The following CNTNAP2 variants were observed in gnomAD, a reference collection of about 807,000 sequenced individuals.
CNTNAP2 encodes the protein contactin-associated protein-like 2.
A neutral mutation model predicts 155.2 loss-of-function variants in CNTNAP2; 98 were observed. The observed-to-expected ratio is 0.63, with a 90% confidence interval of 0.54 to 0.75. CNTNAP2 has a LOEUF of 0.75. Ranked by LOEUF, CNTNAP2 falls within the 30% of genes least tolerant of loss-of-function variation. The pLI, the probability that CNTNAP2 is intolerant of heterozygous loss-of-function variation, is 0.00. For missense variants in CNTNAP2, 1,727 were observed against 1,688.1 expected (o/e 1.02, Z -0.40); for synonymous variants, 651 against 631.2 (o/e 1.03, Z -0.47).
intron 8 of CNTNAP2, among the ~76,000 whole-genome samples, chr7:147,193,966 CT>C (rs578065267): frequency 3.0e-3 from 447 of 148,996 alleles, no homozygotes; most frequent in Non-Finnish European, 5.0e-3. Context: ...TTTTTTTCTT[CT>C]AAAAAAAAGT....
intron 14 of CNTNAP2, among the ~76,000 whole-genome samples, chr7:147,924,300 G>A (rs111416724): frequency 0.14 from 21,869 of 151,686 alleles, 1,764 homozygotes; most frequent in African/African-American, 0.21. Context: ...CACAATGCCC[G>A]GCTAATTTTT....
At chr7:147,383,875 C>CA (rs1242667491) in intron 9 of CNTNAP2, among the ~76,000 whole-genome samples, 3 of 151,994 alleles carry the variant, frequency 2.0e-5, no homozygotes, top group Non-Finnish European at 4.4e-5. Context: ...CACACAAACA[C>CA]AGCCCCCCCA....
intron 21 of CNTNAP2, among the ~76,000 whole-genome samples, chr7:148,287,788 T>TTTCTTTC: frequency 5.9e-5 from 1 of 16,874 alleles, no homozygotes; most frequent in East Asian, 4.2e-3. Flanking sequence ...TCTTTCTTTC[T>TTTCTTTC]TTTTTTCTTT....
chr7:146,315,017 T>C (rs907814022), intron 1 of CNTNAP2, among the ~76,000 whole-genome samples: 4 of 152,186 alleles, frequency 2.6e-5, no homozygotes, highest in African/African-American at 9.6e-5. Flanking sequence ...GGGCTGGGAT[T>C]AGCACTGGAG....
intron 13 of CNTNAP2, among the ~76,000 whole-genome samples, chr7:147,740,715 T>C (rs1031976545): frequency 1.3e-5 from 2 of 152,208 alleles, no homozygotes; most frequent in African/African-American, 4.8e-5. Context: ...TCAACCATAT[T>C]ATTAAATAAG....
intron 13 of CNTNAP2, among the ~76,000 whole-genome samples, chr7:147,791,528 C>G (rs1253380086): frequency 6.8e-6 from 1 of 148,032 alleles, no homozygotes; most frequent in Non-Finnish European, 1.5e-5. Flanking sequence ...TTACTCATCA[C>G]TGAATAAGGG....
chr7:147,339,896 A>G (rs1795731421), intron 9 of CNTNAP2, among the ~76,000 whole-genome samples: 1 of 152,162 alleles, frequency 6.6e-6, no homozygotes. Context: ...CTAAATTTGA[A>G]CTGAGTCAGC....
At chr7:146,933,795 C>A (rs1796842557) in intron 3 of CNTNAP2, among the ~76,000 whole-genome samples, 1 of 152,118 alleles carries the variant, frequency 6.6e-6, no homozygotes, top group Admixed American at 6.6e-5. Context: ...TGAACAGACA[C>A]TTCTCAAAAG....
At position 146,876,971 on chromosome 7, in the gene CNTNAP2, T is replaced by A. The variant is rs28510086; in HGVS notation, c.402+37067T>A. On this transcript the variant is annotated intron_variant, in intron 3 of 23. Transcript: ENST00000361727. ...TTCACTATTTAGGTTATTGGTATAT[T>A]TGTAACTTTTTACTTTTAACTACTG... 8.2e-3 allele frequency among the ~76,000 whole-genome samples: 1,246 copies of A among 152,264 alleles called. 12 individuals are homozygous for A. The highest frequency in any genetic ancestry group is 0.028 in the African/African-American group (1,152 of 41,550).
chr7:146,551,281 C>T (rs1316767780), intron 1 of CNTNAP2, among the ~76,000 whole-genome samples: 1 of 152,028 alleles, frequency 6.6e-6, no homozygotes, highest in Non-Finnish European at 1.5e-5. Context: ...AATGCTGTCC[C>T]TTCCCCCTCC....
intron 1 of CNTNAP2, among the ~76,000 whole-genome samples, chr7:146,737,544 A>C (rs890605452): frequency 1.3e-5 from 2 of 152,126 alleles, no homozygotes; most frequent in African/African-American, 4.8e-5. Flanking sequence ...TTATGCATAA[A>C]GTGCCTTATG....
At chr7:147,568,895 C>T (rs1800228389) in intron 12 of CNTNAP2, among the ~76,000 whole-genome samples, 1 of 152,100 alleles carries the variant, frequency 6.6e-6, no homozygotes, top group Non-Finnish European at 1.5e-5. Context: ...TATCCTTAAA[C>T]CTAAGACAAT....
chr7:147,401,397 A>C (rs1280448458), intron 10 of CNTNAP2, among the ~76,000 whole-genome samples: 1 of 152,132 alleles, frequency 6.6e-6, no homozygotes, highest in Admixed American at 6.6e-5. Flanking sequence ...TCACAGACCC[A>C]GTTTTTTTTT....
At chr7:146,334,577 G>A (rs1801243081) in intron 1 of CNTNAP2, among the ~76,000 whole-genome samples, 1 of 92,004 alleles carries the variant, frequency 1.1e-5, no homozygotes, top group African/African-American at 4.6e-5. Flanking sequence ...GTTATGAATT[G>A]TATGCATGCC....
chr7:146,669,933 T>C (rs186543774), intron 1 of CNTNAP2, among the ~76,000 whole-genome samples: 147 of 152,312 alleles, frequency 9.7e-4, no homozygotes, highest in African/African-American at 3.3e-3. Context: ...AGTAGCTATT[T>C]CCTTTCAAAC....
At chr7:147,668,820 G>A (rs1473577673) in intron 13 of CNTNAP2, among the ~76,000 whole-genome samples, 1 of 152,056 alleles carries the variant, frequency 6.6e-6, no homozygotes. Context: ...TGTGGCCTAA[G>A]TGTCCAGTGC....
intron 9 of CNTNAP2, among the ~76,000 whole-genome samples, chr7:147,388,930 C>A (rs1796665993): frequency 6.6e-6 from 1 of 152,288 alleles, no homozygotes; most frequent in Non-Finnish European, 1.5e-5. Context: ...CTCTCACTAT[C>A]CTCCATGTAT....
At chr7:146,242,443 G>T (rs1428573527) in intron 1 of CNTNAP2, among the ~76,000 whole-genome samples, 7 of 151,892 alleles carry the variant, frequency 4.6e-5, no homozygotes, top group Admixed American at 4.6e-4. Context: ...GGAGGCTAAG[G>T]CAGGGGAATC....
At chr7:146,223,014 A>G (rs1319604785) in intron 1 of CNTNAP2, among the ~76,000 whole-genome samples, 1 of 152,104 alleles carries the variant, frequency 6.6e-6, no homozygotes, top group African/African-American at 2.4e-5. Context: ...AGATGAAACA[A>G]TAGTAAGATC....
Sources: gnomAD v4.1 joint callset for allele counts (sites outside exome capture counted in the v4.1 genomes callset) on GRCh38, gnomAD v4.1.1 for gene constraint, MANE v1.5 for transcripts, NCBI Gene and HGNC (gene_info 2026-07-23, HGNC 2026-07-21) for gene names.